PRDM5: variants seen among roughly 807,000 people sequenced by gnomAD.
PRDM5 encodes the protein PR domain zinc finger protein 5.
PRDM5 carries 56 observed loss-of-function variants against 81.2 expected under a neutral mutation model. That is an observed-to-expected ratio of 0.69 (90% confidence interval 0.56 to 0.86). The LOEUF (loss-of-function observed/expected upper bound fraction) is 0.86, where lower values mean the gene tolerates loss of function less well. Ranked by LOEUF, PRDM5 falls within the 40% of genes least tolerant of loss-of-function variation. The probability of loss-of-function intolerance (pLI) is 0.00; values close to 1 mark genes in which losing one functional copy is unlikely to be tolerated. For missense variants in PRDM5, 697 were observed against 770.1 expected (o/e 0.91, Z 1.12); for synonymous variants, 267 against 256.4 (o/e 1.04, Z -0.39).
intron 2 of PRDM5, among the ~76,000 whole-genome samples, chr4:120,888,023 AC>A (rs917973297): frequency 3.6e-5 from 2 of 55,946 alleles, no homozygotes; most frequent in Non-Finnish European, 6.3e-5. Context: ...CGATCTCCTG[AC>A]CTCGTGATCC....
chr4:120,778,926 GA>G (rs1473463095), intron 12 of PRDM5, among the ~76,000 whole-genome samples: 3 of 152,210 alleles, frequency 2.0e-5, no homozygotes, highest in South Asian at 2.1e-4. Context: ...TTCCCTGACA[GA>G]AGGGGCAAAA....
At chr4:120,720,574 G>A (rs904143481) in intron 14 of PRDM5, among the ~76,000 whole-genome samples, 2 of 152,038 alleles carry the variant, frequency 1.3e-5, no homozygotes, top group African/African-American at 2.4e-5. Context: ...CCTCTTAATG[G>A]GCCCCTTTCT....
At chr4:120,721,782 G>A (rs1037074982) in intron 14 of PRDM5, among the ~76,000 whole-genome samples, 2 of 152,222 alleles carry the variant, frequency 1.3e-5, no homozygotes, top group African/African-American at 4.8e-5. Context: ...GTGACTCAGC[G>A]AGTCTACAGC....
intron 15 of PRDM5, among the ~76,000 whole-genome samples, chr4:120,695,653 T>C (rs1734438650): frequency 6.6e-6 from 1 of 152,164 alleles, no homozygotes; most frequent in Non-Finnish European, 1.5e-5. Context: ...TTAAGTATCA[T>C]AAGCAGAAAT....
Position 120,818,421 on chromosome 4 carries a change from T to C in PRDM5, c.582A>G (p.Thr194=), listed in dbSNP as rs201752403. 1 of 1,614,080 alleles carries C rather than the reference T, an allele frequency of 6.2e-7. No individual in the cohort carries two copies. The highest frequency in any genetic ancestry group is 1.7e-5 in the Admixed American group (1 of 59,996). Residue 194 remains threonine (T), a synonymous_variant, in exon 5 of 16, where the codon ACA becomes ACG. Coordinates refer to ENST00000264808, the MANE Select transcript of PRDM5 (RefSeq NM_018699.4). ...TCTTGCACTTAAATTCTTTCTCCTC[T>C]GTGGGTTTCTGGTGCAATGTCTGGA... ...EHLQTLHQKP[T]EEKEFKCKNC...
At chr4:120,886,877 G>A (rs1490725745) in intron 2 of PRDM5, among the ~76,000 whole-genome samples, 1 of 151,502 alleles carries the variant, frequency 6.6e-6, no homozygotes, top group Non-Finnish European at 1.5e-5. Context: ...CCCTATCTCA[G>A]ACATGTCATC....
chr4:120,724,981 G>GA (rs756525835), intron 14 of PRDM5, among the ~76,000 whole-genome samples: 58 of 152,230 alleles, frequency 3.8e-4, no homozygotes, highest in Admixed American at 7.9e-4. Context: ...TAAAAATGCT[G>GA]AAAAAACAGC....
At chr4:120,892,759 T>C (rs1024481713) in intron 2 of PRDM5, among the ~76,000 whole-genome samples, 6 of 152,230 alleles carry the variant, frequency 3.9e-5, no homozygotes, top group African/African-American at 1.4e-4. Context: ...AGGTTGTGCC[T>C]GCCAGCTAAG....
intron 2 of PRDM5, among the ~76,000 whole-genome samples, chr4:120,899,994 A>C (rs552977270): frequency 6.6e-6 from 1 of 152,222 alleles, no homozygotes; most frequent in Non-Finnish European, 1.5e-5. Context: ...GGAGAGATGC[A>C]TAGATACAGA....
intron 5 of PRDM5, among the ~76,000 whole-genome samples, chr4:120,817,290 C>T (rs968802638): frequency 6.6e-6 from 1 of 152,052 alleles, no homozygotes; most frequent in East Asian, 1.9e-4. Flanking sequence ...GCACAATTTT[C>T]ATCTCAATTT....
intron 10 of PRDM5, among the ~76,000 whole-genome samples, chr4:120,790,227 T>C (rs1006698333): frequency 1.3e-5 from 2 of 152,196 alleles, no homozygotes; most frequent in African/African-American, 4.8e-5. Context: ...TTACAACAGC[T>C]ACCATTTATT....
intron 3 of PRDM5, among the ~76,000 whole-genome samples, chr4:120,830,611 C>T (rs999206663): frequency 2.6e-5 from 4 of 151,990 alleles, no homozygotes; most frequent in African/African-American, 9.7e-5. Flanking sequence ...AAGCAAGTGA[C>T]TTGAAATCAA....
intron 13 of PRDM5, among the ~76,000 whole-genome samples, chr4:120,776,508 T>C (rs955620724): frequency 2.6e-5 from 4 of 152,212 alleles, no homozygotes; most frequent in African/African-American, 9.6e-5. Flanking sequence ...GTCTAGGTAC[T>C]GAAAAAAGTT....
chr4:120,780,150 T>A (rs1748830712), intron 12 of PRDM5, among the ~76,000 whole-genome samples: 2 of 152,142 alleles, frequency 1.3e-5, no homozygotes, highest in Admixed American at 1.3e-4. Context: ...CCATACTTCA[T>A]GGTTACTTCT....
At chr4:120,742,831 T>C (rs1368957664) in intron 14 of PRDM5, among the ~76,000 whole-genome samples, 4 of 151,920 alleles carry the variant, frequency 2.6e-5, no homozygotes, top group Non-Finnish European at 4.4e-5. Flanking sequence ...ATGGGGAGAA[T>C]GGAACCAAGT....
chr4:120,782,433 G>A (rs1321349360), intron 11 of PRDM5, among the ~76,000 whole-genome samples: 1 of 151,994 alleles, frequency 6.6e-6, no homozygotes, highest in East Asian at 1.9e-4. Context: ...TTCTTCACAT[G>A]AAAGGAAGGA....
At chr4:120,831,390 A>G (rs1756694327) in intron 3 of PRDM5, among the ~76,000 whole-genome samples, 1 of 152,004 alleles carries the variant, frequency 6.6e-6, no homozygotes, top group African/African-American at 2.4e-5. Context: ...CCTACCACCT[A>G]ACTGTCAGGC....
intron 3 of PRDM5, among the ~76,000 whole-genome samples, chr4:120,827,063 C>CAA (rs1756088826): frequency 6.6e-6 from 1 of 152,102 alleles, no homozygotes; most frequent in African/African-American, 2.4e-5. Flanking sequence ...CAAAGTGAGT[C>CAA]ATTCATAATC....
At chr4:120,714,050 G>C (rs1229182970) in intron 14 of PRDM5, among the ~76,000 whole-genome samples, 1 of 152,148 alleles carries the variant, frequency 6.6e-6, no homozygotes, top group Non-Finnish European at 1.5e-5. Context: ...TGATGGTTAG[G>C]ATTTCACATA....
Sources: allele counts gnomAD v4.1 joint callset (sites outside exome capture counted in the v4.1 genomes callset), GRCh38; gene constraint gnomAD v4.1.1; transcripts MANE v1.5; gene names NCBI Gene and HGNC (gene_info 2026-07-23, HGNC 2026-07-21).